Variants in USP34 observed in about 807,000 individuals in gnomAD.
USP34 encodes the protein ubiquitin specific peptidase 34.
USP34 carries 70 observed loss-of-function variants against 460.3 expected under a neutral mutation model. That is an observed-to-expected ratio of 0.15 (90% CI 0.13 to 0.19). The LOEUF (loss-of-function observed/expected upper bound fraction) is 0.19. Ranked by LOEUF, USP34 falls within the 10% of genes least tolerant of loss-of-function variation. The pLI is 1.00. For missense variants in USP34, 3,985 were observed against 4,236.2 expected (o/e 0.94, Z 1.65); for synonymous variants, 1,647 against 1,405.3 (o/e 1.17, Z -3.85).
chr2:61,273,315 C>T (rs530681138), intron 41 of USP34, among the ~76,000 whole-genome samples: 8 of 151,984 alleles, frequency 5.3e-5, no homozygotes, highest in African/African-American at 1.5e-4. Context: ...ACAATCTCAA[C>T]CAAAAAAGTA....
At chr2:61,465,629 G>T (rs1318647898) in intron 1 of USP34, among the ~76,000 whole-genome samples, 3 of 151,992 alleles carry the variant, frequency 2.0e-5, no homozygotes, top group Non-Finnish European at 2.9e-5. Flanking sequence ...AATGGCTTCA[G>T]ACCAGGAGTT....
intron 67 of USP34, among the ~76,000 whole-genome samples, chr2:61,216,044 T>C (rs1422807618): frequency 1.3e-5 from 2 of 152,208 alleles, no homozygotes; most frequent in Non-Finnish European, 2.9e-5. Flanking sequence ...AACTTGATAA[T>C]TTCCATTGTA....
At chr2:61,254,239 G>C (rs1180718142) in intron 48 of USP34, among the ~76,000 whole-genome samples, 2 of 152,032 alleles carry the variant, frequency 1.3e-5, no homozygotes, top group Non-Finnish European at 2.9e-5. Context: ...CCCAGTTTGG[G>C]GGTTACCATT....
At chr2:61,269,258 T>C (rs1689143049) in intron 41 of USP34, among the ~76,000 whole-genome samples, 2 of 151,674 alleles carry the variant, frequency 1.3e-5, no homozygotes, top group Admixed American at 6.6e-5. Flanking sequence ...TCTCCCAGGC[T>C]CAGTCAATCC....
At chr2:61,210,724 T>C (rs1222096024) in intron 69 of USP34, among the ~76,000 whole-genome samples, 6 of 152,176 alleles carry the variant, frequency 3.9e-5, no homozygotes, top group Non-Finnish European at 8.8e-5. Context: ...CAAATCTTTT[T>C]TTTCTTTTTT....
At chr2:61,290,383 T>C (rs1030451518) in intron 33 of USP34, among the ~76,000 whole-genome samples, 2 of 152,188 alleles carry the variant, frequency 1.3e-5, no homozygotes, top group Non-Finnish European at 2.9e-5. Flanking sequence ...ATGACCTGTA[T>C]GTGAATGTTT....
chr2:61,219,206 G>T (rs894460343), intron 67 of USP34, among the ~76,000 whole-genome samples: 7 of 152,112 alleles, frequency 4.6e-5, no homozygotes, highest in African/African-American at 1.7e-4. Context: ...GTTCTTTCAG[G>T]TTAGCTCTGT....
At chr2:61,422,617 C>T (rs910326240) in intron 1 of USP34, among the ~76,000 whole-genome samples, 2 of 152,164 alleles carry the variant, frequency 1.3e-5, no homozygotes, top group Admixed American at 6.5e-5. Context: ...ATTAGAAATT[C>T]TAGTCAGAGC....
chr2:61,361,403 C>A (rs920238205), intron 10 of USP34, among the ~76,000 whole-genome samples: 19 of 152,308 alleles, frequency 1.2e-4, no homozygotes, highest in African/African-American at 4.6e-4. Flanking sequence ...ACCTGGACAA[C>A]AGAGCAAGAC....
chr2:61,296,805 C>T lies in USP34; in HGVS notation c.4249G>A (p.Glu1417Lys). Residue 1417 changes from glutamate to lysine, a missense_variant, in exon 30 of 80, where the codon GAG (glutamate) becomes AAG (lysine). This residue lies in a region of USP34 where 1,114 missense variants were observed against 1,122.5 expected (regional missense o/e 0.99). Coordinates refer to ENST00000398571, the MANE Select transcript of USP34 (RefSeq NM_014709.4). ...MLMAFQNISD[E>K]QSNDGFNWKE... ...AAGAGATTTTGTGGGCTCACCTGCT[C>T]ATCTGAGATATTCTGGAATGCCATC... 6.2e-7 allele frequency: 1 copy of T among 1,612,168 alleles called. No homozygotes were observed. Among genetic ancestry groups the T allele is most frequent in the Non-Finnish European group, 8.5e-7 (1 of 1,179,316 alleles).
chr2:61,433,633 C>G (rs1386481275), intron 1 of USP34, among the ~76,000 whole-genome samples: 1 of 152,058 alleles, frequency 6.6e-6, no homozygotes, highest in African/African-American at 2.4e-5. Context: ...GACTCCATCT[C>G]AAAAACTATA....
At chr2:61,229,682 A>G in intron 58 of USP34, 49 bp from the exon 59 acceptor site, 1 of 1,485,444 alleles carries the variant, frequency 6.7e-7, no homozygotes. Context: ...TCAGGTAACA[A>G]AGATTTGAAA....
chr2:61,441,201 G>A (rs996814949), intron 1 of USP34, among the ~76,000 whole-genome samples: 2 of 149,564 alleles, frequency 1.3e-5, no homozygotes, highest in African/African-American at 2.5e-5. Context: ...GTGTACTTGC[G>A]ATCATAGCTC....
chr2:61,286,237 T>C (rs1455000482), intron 34 of USP34, among the ~76,000 whole-genome samples: 1 of 152,208 alleles, frequency 6.6e-6, no homozygotes, highest in Non-Finnish European at 1.5e-5. Flanking sequence ...TGACTCTGTC[T>C]TCAGTATTAA....
Position 61,348,071 on chromosome 2 carries a change from C to G in USP34, c.2084G>C (p.Cys695Ser), listed in dbSNP as rs770064750. The G allele has an allele frequency of 2.4e-5, 39 of 1,614,184 alleles. 1 individual carries two copies. In the South Asian group the frequency reaches 3.6e-4, roughly 15 times the overall value. ...VDNRMRMLDA[C>S]SHSEDPEHDI... ...ATGTTCTGGGTCTTCAGAGTGTGAA[C>G]AAGCATCCAGCATTCGCATTCGATT... The change falls in exon 15 of 80, where the codon TGT becomes TCT. Residue 695 changes from cysteine to serine, a missense_variant. By Grantham distance (112) the Cys-to-Ser change is moderately radical (BLOSUM62 -1). Coordinates refer to ENST00000398571, the MANE Select transcript of USP34 (RefSeq NM_014709.4).
In USP34 at chr2:61,262,136, TAG is replaced by T. The variant is rs1558497389; in HGVS notation, c.5779-2362_5779-2361del. Among the ~76,000 whole-genome samples the T allele has an allele frequency of 3.4e-3, 428 of 124,278 alleles. 7 individuals are homozygous for T. The highest frequency in any genetic ancestry group is 0.013 in the African/African-American group (417 of 31,672). The allele number at this position is 124,278 out of a possible 152,430, so 81.5% of individuals were successfully genotyped here. On this transcript the variant is annotated intron_variant, in intron 43 of 79. Transcript: ENST00000398571. ...AAAAAAATATATATATATATATAGA[TAG>T]ATAGATAGATAGATAGATATAGAAA...
In USP34 at chr2:61,333,930, C is replaced by T; in HGVS notation, c.2786G>A (p.Gly929Asp). 6.3e-7 allele frequency: 1 copy of T among 1,598,096 alleles called. No homozygotes were observed. Among genetic ancestry groups the T allele is most frequent in the Non-Finnish European group, 8.5e-7 (1 of 1,172,142 alleles). ...ACTGCTCCCAAACTGCTGAAAAGTA[C>T]CAAATAGTTTTGGAAGAAGACGAAG... ...ISLRLLPKLFGTFQQFGSSYD... is the reference protein window; with the variant it reads ...ISLRLLPKLFDTFQQFGSSYD... Residue 929 changes from glycine to aspartate, a missense_variant, in exon 19 of 80, where the codon GGT becomes GAT. Physicochemically the swap from Gly to Asp is moderately conservative, Grantham distance 94. Transcript: ENST00000398571.
chr2:61,355,157 G>C (rs1373737184), intron 10 of USP34, among the ~76,000 whole-genome samples: 1 of 152,096 alleles, frequency 6.6e-6, no homozygotes, highest in African/African-American at 2.4e-5. Context: ...CAAAAGTTCT[G>C]GGGAATAATG....
intron 2 of USP34, among the ~76,000 whole-genome samples, chr2:61,418,956 AC>A (rs1694278864): frequency 6.6e-6 from 1 of 152,216 alleles, no homozygotes; most frequent in Admixed American, 6.5e-5. Flanking sequence ...ATTTTCCAAA[AC>A]AAATTTTAAC....
Sources: allele counts gnomAD v4.1 joint callset (sites outside exome capture counted in the v4.1 genomes callset), GRCh38; gene constraint gnomAD v4.1.1; regional missense constraint gnomAD v4.1.1; transcripts MANE v1.5; gene names NCBI Gene and HGNC (gene_info 2026-07-23, HGNC 2026-07-21).